The following LTF variants were observed in gnomAD, a reference collection of about 807,000 sequenced individuals.
LTF encodes epididymis luminal protein 110.
In LTF, 91 loss-of-function variants were observed where a neutral mutation model predicts 87.2. The observed-to-expected ratio is 1.04, with a 90% confidence interval of 0.88 to 1.24. LTF has a LOEUF of 1.24. LTF is among the 50% of genes most tolerant of loss of function. LTF has a pLI of 0.00. For synonymous variants in LTF, 378 were observed against 356.1 expected, an observed-to-expected ratio of 1.06 and a Z score of -0.69; for missense variants, 901 against 904.3, an observed-to-expected ratio of 1.00 and a Z score of 0.05.
At chr3:46,458,850 G>A (rs111527115) in intron 2 of LTF, among the ~76,000 whole-genome samples, 59 of 152,268 alleles carry the variant, frequency 3.9e-4, no homozygotes, top group African/African-American at 1.2e-3. Flanking sequence ...CTGAAATTAC[G>A]GGCGTGAGCC....
chr3:46,470,738 G>T (rs1057016138), intron 1 of LTF, among the ~76,000 whole-genome samples: 3 of 152,188 alleles, frequency 2.0e-5, no homozygotes, highest in Admixed American at 6.5e-5. Flanking sequence ...GCTCAGAGAT[G>T]GGATTGGCTG....
intron 6 of LTF, among the ~76,000 whole-genome samples, chr3:46,452,106 A>T (rs1430733356): frequency 6.6e-6 from 1 of 152,242 alleles, no homozygotes; most frequent in Admixed American, 6.5e-5. Context: ...ATTTAAAAAG[A>T]TGATATCGTC....
Position 46,455,825 on chromosome 3 carries a change from C to A in LTF, c.470G>T (p.Trp157Leu). Residue 157 changes from tryptophan (W) to leucine (L), a missense_variant, in exon 4 of 17, where the codon TGG becomes TTG. Coordinates refer to ENST00000231751, the MANE Select transcript of LTF (RefSeq NM_002343.6). ...PIGTLRPFLNWTGPPEPIEAA... is the reference protein window; with the variant it reads ...PIGTLRPFLNLTGPPEPIEAA... ...CTCAATGGGCTCAGGTGGACCCGTC[C>A]AATTCAAGAATGGACGAAGTGTCCC... 6.3e-7 allele frequency: 1 copy of A among 1,592,250 alleles called. No homozygotes were observed. The highest frequency in any genetic ancestry group is 8.6e-7 in the Non-Finnish European group (1 of 1,169,354).
intron 1 of LTF, among the ~76,000 whole-genome samples, chr3:46,482,374 G>A (rs1429390139): frequency 6.6e-6 from 1 of 151,688 alleles, no homozygotes; most frequent in Non-Finnish European, 1.5e-5. Context: ...GGAGGCTGAG[G>A]TGGGAGGATC....
In LTF at chr3:46,464,080, T is replaced by C. The variant is rs377164272; in HGVS notation, c.43+745A>G. ...CATCACAGCCCTTTCTGCTGCGGCC[T>C]GGGACCTTCCCCTCCCGGTGCTGCA... On this transcript the variant is annotated intron_variant, in intron 1 of 16. Transcript: ENST00000231751. Among the ~76,000 whole-genome samples, 192 of 152,326 alleles carry C rather than the reference T, an allele frequency of 1.3e-3. 3 individuals carry two copies. The highest frequency in any genetic ancestry group is 5.6e-3 in the South Asian group (27 of 4,830).
intron 11 of LTF, among the ~76,000 whole-genome samples, chr3:46,446,121 A>G (rs1011004195): frequency 2.6e-5 from 4 of 152,136 alleles, no homozygotes; most frequent in South Asian, 2.1e-4. Flanking sequence ...TATGGCTGTG[A>G]GTGAGATCCT....
At chr3:46,451,834 A>G (rs1296211366) in intron 6 of LTF, among the ~76,000 whole-genome samples, 2 of 152,178 alleles carry the variant, frequency 1.3e-5, no homozygotes, top group Non-Finnish European at 2.9e-5. Context: ...ACCTCATGTG[A>G]TCCACCCGCC....
chr3:46,468,034 G>T (rs2106913866), upstream of LTF, among the ~76,000 whole-genome samples: 1 of 152,304 alleles, frequency 6.6e-6, no homozygotes, highest in Non-Finnish European at 1.5e-5. Context: ...AAGAGCCGCA[G>T]AGGCACCCTC....
chr3:46,462,515 T>C (rs914948173), intron 1 of LTF, among the ~76,000 whole-genome samples: 6 of 152,158 alleles, frequency 3.9e-5, no homozygotes, highest in Non-Finnish European at 5.9e-5. Context: ...TAAACTCCCC[T>C]ACTCTTACCA....
intron 14 of LTF, among the ~76,000 whole-genome samples, chr3:46,439,965 T>G (rs1214120777): frequency 1.3e-5 from 2 of 151,810 alleles, no homozygotes; most frequent in African/African-American, 4.8e-5. Context: ...ATGTCCAGAA[T>G]AGGCCAACCT....
chr3:46,452,918 G>A (rs139700426), intron 6 of LTF, among the ~76,000 whole-genome samples: 13 of 152,264 alleles, frequency 8.5e-5, no homozygotes, highest in African/African-American at 3.1e-4. Context: ...TTATGATTTG[G>A]GTGTGAAGAA....
At position 46,482,780 on chromosome 3, in the gene LTF, AAAG is replaced by A. The variant is rs1295579243; in HGVS notation, c.-320+2203_-320+2205del. On this transcript the variant is annotated intron_variant, in intron 1 of 19. Transcript: ENST00000443496. ...GAAAGAGAAAGAAAGAAAGAAAGAA[AAAG>A]AAAGAAAGAAAGAAGGAAGGAAAGA... is the stretch of plus-strand genomic sequence containing the variant. 5.4e-5 allele frequency among the ~76,000 whole-genome samples: 7 copies of A among 130,554 alleles called. No individual in the cohort carries two copies. In the Admixed American group the frequency reaches 5.7e-4, roughly 11 times the overall value. The allele number at this position is 130,554 out of a possible 152,430, so 85.6% of individuals were successfully genotyped here.
intron 1 of LTF, among the ~76,000 whole-genome samples, chr3:46,482,746 GGAAA>G (rs1479371154): frequency 7.4e-4 from 78 of 105,284 alleles, no homozygotes; most frequent in Non-Finnish European, 8.5e-4. Flanking sequence ...AAGGAAGGAA[GGAAA>G]GAAGGAAAGA....
chr3:46,464,379 A>G, intron 1 of LTF, among the ~76,000 whole-genome samples: 1 of 152,148 alleles, frequency 6.6e-6, no homozygotes, highest in South Asian at 2.1e-4. Flanking sequence ...CGTTTCTTTA[A>G]GTGAAGAAAC....
chr3:46,451,408 A>C (rs749229732), intron 6 of LTF, among the ~76,000 whole-genome samples: 2 of 152,240 alleles, frequency 1.3e-5, no homozygotes, highest in Non-Finnish European at 2.9e-5. Flanking sequence ...AAGGTTTACC[A>C]GTGTATTCCA....
intron 10 of LTF, 64 bp downstream of exon 10, chr3:46,447,244 A>T: frequency 8.8e-7 from 1 of 1,141,462 alleles, no homozygotes; most frequent in South Asian, 1.2e-5. Flanking sequence ...ACCGAATGGG[A>T]TTACTCATAG....
intron 1 of LTF, among the ~76,000 whole-genome samples, chr3:46,482,565 GA>G (rs1559614599): frequency 0.043 from 4,716 of 109,854 alleles, 1,330 homozygotes; most frequent in East Asian, 0.088. Flanking sequence ...GAAGGGAAGG[GA>G]AGGGAAAGGA....
At chr3:46,463,522 G>A (rs774521228) in intron 1 of LTF, 71 of 985,554 alleles carry the variant, frequency 7.2e-5, no homozygotes, top group Middle Eastern at 1.0e-3. Flanking sequence ...TCCTCAGGAA[G>A]GACAAGGGTT....
intron 1 of LTF, among the ~76,000 whole-genome samples, chr3:46,461,939 C>A (rs1161891204): frequency 6.6e-6 from 1 of 152,184 alleles, no homozygotes; most frequent in African/African-American, 2.4e-5. Context: ...GAGCCATCCC[C>A]TTATGGCGAG....
Sources: allele counts gnomAD v4.1 joint callset (sites outside exome capture counted in the v4.1 genomes callset), GRCh38; gene constraint gnomAD v4.1.1; transcripts MANE v1.5; gene names NCBI Gene and HGNC (gene_info 2026-07-23, HGNC 2026-07-21).